GABBR2: variants seen among roughly 807,000 people sequenced by gnomAD.
The protein encoded by GABBR2 is gamma-aminobutyric acid type B receptor subunit 2.
GABBR2 carries 23 observed loss-of-function variants against 105.6 expected under a neutral mutation model. The observed-to-expected ratio is 0.22, with a 90% confidence interval of 0.16 to 0.31. The LOEUF is 0.31. Among genes scored for constraint, GABBR2 ranks in the 10% least tolerant of loss-of-function variants. GABBR2 has a pLI of 1.00. For missense variants in GABBR2, 734 were observed against 1,245.5 expected, an observed-to-expected ratio of 0.59 and a Z score of 6.18; for synonymous variants, 478 against 499.7, an observed-to-expected ratio of 0.96 and a Z score of 0.58.
At chr9:98,594,280 C>T (rs978279390) in intron 1 of GABBR2, among the ~76,000 whole-genome samples, 1 of 152,166 alleles carries the variant, frequency 6.6e-6, no homozygotes, top group Non-Finnish European at 1.5e-5. Flanking sequence ...ATTTCTGGCC[C>T]GCCTCCCACC....
At chr9:98,343,940 C>G (rs1190542906) in intron 13 of GABBR2, among the ~76,000 whole-genome samples, 2 of 152,150 alleles carry the variant, frequency 1.3e-5, no homozygotes, top group Non-Finnish European at 2.9e-5. Flanking sequence ...ATTCGTGGCC[C>G]TAATCTTACT....
intron 2 of GABBR2, among the ~76,000 whole-genome samples, chr9:98,558,183 C>T (rs936473672): frequency 1.3e-5 from 2 of 152,198 alleles, no homozygotes; most frequent in Non-Finnish European, 2.9e-5. Context: ...CCAGATTTAG[C>T]AACATTTGGG....
At chr9:98,517,085 C>T (rs1395863727) in intron 3 of GABBR2, among the ~76,000 whole-genome samples, 1 of 152,184 alleles carries the variant, frequency 6.6e-6, no homozygotes, top group Admixed American at 6.5e-5. Context: ...ACTGCCAGAA[C>T]AGAGGCACTC....
chr9:98,491,972 T>C lies in GABBR2; in HGVS notation c.732+4441A>G, dbSNP rs560458512. 2.8e-4 allele frequency among the ~76,000 whole-genome samples: 42 copies of C among 152,282 alleles called. 2 individuals carry two copies. In the South Asian group the frequency reaches 7.5e-3, roughly 27 times the overall value. On this transcript the variant is annotated intron_variant, in intron 4 of 18. Coordinates refer to ENST00000259455, the MANE Select transcript of GABBR2 (RefSeq NM_005458.8). ...CAGGATTAGCTTCAAGAAGGGGACC[T>C]GGCTGGAACATCGTGTGAGCCCCAT... is the stretch of plus-strand genomic sequence containing the variant.
intron 1 of GABBR2, among the ~76,000 whole-genome samples, chr9:98,606,543 C>T (rs548364956): frequency 2.7e-4 from 39 of 143,828 alleles, no homozygotes; most frequent in Non-Finnish European, 3.1e-4. Flanking sequence ...TGCAATGGCA[C>T]AGTCTTGGCT....
chr9:98,330,230 T>G (rs1252684227), intron 13 of GABBR2, among the ~76,000 whole-genome samples: 1 of 152,166 alleles, frequency 6.6e-6, no homozygotes, highest in Non-Finnish European at 1.5e-5. Flanking sequence ...ACCTGGAATA[T>G]CGACTCCTTG....
At chr9:98,642,121 A>G (rs1190202530) in intron 1 of GABBR2, among the ~76,000 whole-genome samples, 2 of 152,200 alleles carry the variant, frequency 1.3e-5, no homozygotes, top group Non-Finnish European at 2.9e-5. Flanking sequence ...TGACATTTCC[A>G]GACTCTCAGA....
chr9:98,395,779 T>C (rs540263984), intron 8 of GABBR2, among the ~76,000 whole-genome samples: 1 of 150,904 alleles, frequency 6.6e-6, no homozygotes, highest in Non-Finnish European at 1.5e-5. Context: ...GGAAAGGTTG[T>C]GGTTAGAAGG....
intron 13 of GABBR2, among the ~76,000 whole-genome samples, chr9:98,352,608 G>A (rs1831418474): frequency 6.6e-6 from 1 of 152,100 alleles, no homozygotes; most frequent in African/African-American, 2.4e-5. Context: ...TATGGTGAGT[G>A]GGACAGACTG....
intron 13 of GABBR2, among the ~76,000 whole-genome samples, chr9:98,357,162 C>T (rs548574500): frequency 1.8e-4 from 27 of 152,112 alleles, no homozygotes; most frequent in East Asian, 5.8e-4. Context: ...ACTGTAGTGA[C>T]GAATAATGTA....
chr9:98,372,961 TTTTC>T (rs1831811478), intron 11 of GABBR2, among the ~76,000 whole-genome samples: 1 of 152,010 alleles, frequency 6.6e-6, no homozygotes, highest in South Asian at 2.1e-4. Context: ...TTCTTTTTCT[TTTTC>T]TTTTTCTTTT....
chr9:98,511,402 G>A (rs1443419622), intron 3 of GABBR2, among the ~76,000 whole-genome samples: 1 of 149,760 alleles, frequency 6.7e-6, no homozygotes, highest in Non-Finnish European at 1.5e-5. Flanking sequence ...AAATAACTAA[G>A]ATCAGAGCAG....
intron 3 of GABBR2, chr9:98,516,316 G>C (rs889362603): frequency 3.3e-5 from 5 of 152,260 alleles, no homozygotes; most frequent in Admixed American, 1.3e-4. Flanking sequence ...AGCAGGCAGA[G>C]TGAGTGCTGA....
chr9:98,306,023 AG>A lies in GABBR2; in HGVS notation c.2229+97del, dbSNP rs1830545515. On this transcript the variant is annotated intron_variant, in intron 15 of 18. Transcript: ENST00000259455. This position sits in a 1 kb window ranked among gnomAD's most constrained non-coding sequence, Gnocchi z 5.4. The stretch of plus-strand genomic sequence containing the variant: ...AATTGTCTTCATCATAAAAAAAAAA[AG>A]GAATGGGTAAACCTTTTAGAGAATG... 1.3e-6 allele frequency: 1 copy of A among 742,192 alleles called. No individual in the cohort carries two copies. Among genetic ancestry groups the A allele is most frequent in the South Asian group, 1.8e-5 (1 of 55,780 alleles). 46.0% of individuals were successfully genotyped at this position (742,192 alleles called of 1,614,324 possible). A position where few individuals can be genotyped will look rare whatever the true frequency, so the allele number is the denominator to read the frequency against.
chr9:98,680,542 C>T (rs770442217), intron 1 of GABBR2, among the ~76,000 whole-genome samples: 3 of 152,138 alleles, frequency 2.0e-5, no homozygotes, highest in Admixed American at 6.6e-5. Flanking sequence ...ATCTCCTGAC[C>T]TCATGATCCG....
At chr9:98,691,642 GCT>G (rs1194481242) in intron 1 of GABBR2, among the ~76,000 whole-genome samples, 1 of 152,188 alleles carries the variant, frequency 6.6e-6, no homozygotes, top group Non-Finnish European at 1.5e-5. Flanking sequence ...AGGCCGTTCA[GCT>G]CTCTGTCCAC....
chr9:98,684,007 C>CAAAAA (rs367642589), intron 1 of GABBR2, among the ~76,000 whole-genome samples: 9 of 105,924 alleles, frequency 8.5e-5, no homozygotes, highest in African/African-American at 1.9e-4. Flanking sequence ...GACTCCATCT[C>CAAAAA]AAAAAAAAAA....
At chr9:98,332,120 G>A (rs897063492) in intron 13 of GABBR2, among the ~76,000 whole-genome samples, 1 of 152,124 alleles carries the variant, frequency 6.6e-6, no homozygotes. Context: ...TCACCTCTGA[G>A]CCCCACTTGC....
At chr9:98,620,247 T>TTCTCTC (rs112127893) in intron 1 of GABBR2, among the ~76,000 whole-genome samples, 17,712 of 146,376 alleles carry the variant, frequency 0.12, 1,578 homozygotes, top group African/African-American at 0.25. Flanking sequence ...TTTTCTCTCT[T>TTCTCTC]TCTCTCTCTC....
Sources: allele counts gnomAD v4.1 joint callset (sites outside exome capture counted in the v4.1 genomes callset), GRCh38; gene constraint gnomAD v4.1.1; non-coding constraint Gnocchi (gnomAD v3.1); transcripts MANE v1.5; gene names NCBI Gene and HGNC (gene_info 2026-07-23, HGNC 2026-07-21).